Variants in NRG1 observed in about 807,000 individuals in gnomAD.
NRG1 encodes pro-neuregulin-1, membrane-bound isoform.
Under a neutral mutation model 63.8 loss-of-function variants are expected in NRG1, and 18 were observed. The ratio of observed to expected loss-of-function variants is 0.28; its 90% CI spans 0.19 to 0.42. The LOEUF (loss-of-function observed/expected upper bound fraction) is 0.42, where lower values mean the gene tolerates loss of function less well. Ranked by LOEUF, NRG1 falls within the 10% of genes least tolerant of loss-of-function variation. NRG1 has a pLI of 1.00. For synonymous variants in NRG1, 302 were observed against 301.3 expected (o/e 1.00, Z -0.02); for missense variants, 762 against 814.7 (o/e 0.94, Z 0.79).
At chr8:32,743,130 G>T in intron 7 of NRG1, 1 of 1,000,336 alleles carries the variant, frequency 1.0e-6, no homozygotes, top group African/African-American at 1.7e-5. Context: ...CCTGAAAAGG[G>T]TGTTGCTAAG....
In NRG1 at chr8:32,115,381, G is replaced by A. The variant is rs565408420; in HGVS notation, c.37+475950G>A. 2.6e-5 allele frequency among the ~76,000 whole-genome samples: 4 copies of A among 151,970 alleles called. No individual in the cohort carries two copies. The South Asian group carries it at 8.3e-4, about 32-fold the overall frequency. On this transcript the variant is annotated intron_variant, in intron 1 of 10. Transcript: ENST00000519301. The stretch of plus-strand genomic sequence containing the variant: ...ATCTTACTGATAACAGTCTTTTAAT[G>A]CATATGTTATATATATACATTACAC...
chr8:32,278,979 A>G lies in NRG1; in HGVS notation c.38-316849A>G, dbSNP rs966661509. ...TCATAAGAGACTGTGTTTGCCTTGG[A>G]TTTAACCAGGTCTGATGACTTTCAG... is the stretch of plus-strand genomic sequence containing the variant. On this transcript the variant is annotated intron_variant, in intron 1 of 10. Transcript: ENST00000519301. Among the ~76,000 whole-genome samples the G allele has an allele frequency of 9.2e-5, 14 of 152,168 alleles. 1 individual carries two copies. Among genetic ancestry groups the G allele is most frequent in the African/African-American group, 3.4e-4 (14 of 41,442 alleles).
chr8:31,826,512 C>T (rs1824580498), intron 1 of NRG1, among the ~76,000 whole-genome samples: 2 of 152,226 alleles, frequency 1.3e-5, no homozygotes, highest in South Asian at 4.1e-4. Context: ...GCCTCCCCAG[C>T]CATGTGGAAT....
chr8:31,822,773 A>C (rs916755598), intron 1 of NRG1, among the ~76,000 whole-genome samples: 3 of 151,162 alleles, frequency 2.0e-5, no homozygotes, highest in Admixed American at 1.3e-4. Flanking sequence ...TGTTAGATGA[A>C]GGTGTATTGT....
intron 5 of NRG1, among the ~76,000 whole-genome samples, chr8:32,713,592 G>C (rs900603803): frequency 6.8e-6 from 1 of 146,274 alleles, no homozygotes; most frequent in Non-Finnish European, 1.5e-5. Flanking sequence ...CTTTCTCTCT[G>C]ATAATTCATG....
chr8:32,725,399 G>A (rs1214409418), intron 5 of NRG1, among the ~76,000 whole-genome samples: 1 of 150,192 alleles, frequency 6.7e-6, no homozygotes, highest in Admixed American at 6.7e-5. Flanking sequence ...GTCATCCTAT[G>A]GAATTCTGTC....
chr8:32,101,501 G>A (rs1276225043), intron 1 of NRG1, among the ~76,000 whole-genome samples: 1 of 108,658 alleles, frequency 9.2e-6, no homozygotes. Context: ...TTTTTTTTTA[G>A]TAAAAGCATA....
chr8:32,636,323 A>G (rs866486198), intron 5 of NRG1, among the ~76,000 whole-genome samples: 19 of 152,320 alleles, frequency 1.2e-4, no homozygotes, highest in Middle Eastern at 3.4e-3. Flanking sequence ...TCTTGCTGTC[A>G]GGGACATGAT....
At chr8:32,118,704 G>T (rs962782159) in intron 1 of NRG1, among the ~76,000 whole-genome samples, 3 of 152,048 alleles carry the variant, frequency 2.0e-5, no homozygotes, top group African/African-American at 7.2e-5. Flanking sequence ...AAATAAGATT[G>T]ATTATTTCTC....
intron 1 of NRG1, among the ~76,000 whole-genome samples, chr8:31,656,632 G>A (rs1428918518): frequency 1.3e-5 from 2 of 152,186 alleles, no homozygotes; most frequent in African/African-American, 4.8e-5. Flanking sequence ...TTTGTATAAA[G>A]ATATGATTTT....
At chr8:32,127,841 G>A (rs1418960146) in intron 1 of NRG1, among the ~76,000 whole-genome samples, 2 of 151,588 alleles carry the variant, frequency 1.3e-5, no homozygotes, top group African/African-American at 4.8e-5. Flanking sequence ...TAAAAGGATC[G>A]CTTGAGCCCA....
rs1371169483 is a variant in NRG1 at position 32,718,297 on chromosome 8, G to A, written c.503-9652G>A. On this transcript the variant is annotated intron_variant, in intron 5 of 11. Coordinates refer to ENST00000356819, the Ensembl canonical transcript of NRG1. ...TGTAGTACAAGGTGTGAAATACAAAGGAACTCCAGCAGTTAGCTCTTCTCA... is the reference window on the plus strand; with the variant it reads ...TGTAGTACAAGGTGTGAAATACAAAAGAACTCCAGCAGTTAGCTCTTCTCA... 3.3e-5 allele frequency among the ~76,000 whole-genome samples: 5 copies of A among 152,112 alleles called. No individual in the cohort carries two copies. In the East Asian group the frequency reaches 9.6e-4, roughly 29 times the overall value.
intron 1 of NRG1, among the ~76,000 whole-genome samples, chr8:32,005,271 C>T: frequency 6.6e-6 from 1 of 151,844 alleles, no homozygotes. Flanking sequence ...GCTCCATATG[C>T]TACAGAGTCA....
At chr8:32,463,637 T>C (rs1391236063) in intron 1 of NRG1, among the ~76,000 whole-genome samples, 1 of 151,754 alleles carries the variant, frequency 6.6e-6, no homozygotes, top group Non-Finnish European at 1.5e-5. Context: ...GAGCCAGGAG[T>C]TCGAGACCAG....
At chr8:32,528,840 T>G (rs1831153842) in intron 1 of NRG1, among the ~76,000 whole-genome samples, 2 of 152,222 alleles carry the variant, frequency 1.3e-5, no homozygotes, top group Non-Finnish European at 2.9e-5. Flanking sequence ...ACTGAGATCT[T>G]TATTGTGGAG....
intron 1 of NRG1, among the ~76,000 whole-genome samples, chr8:31,810,718 C>T (rs529541768): frequency 1.8e-4 from 27 of 152,272 alleles, no homozygotes; most frequent in Non-Finnish European, 2.8e-4. Context: ...TAACATGTAA[C>T]GCTGCCTGGT....
At chr8:32,101,717 G>C (rs1479061782) in intron 1 of NRG1, among the ~76,000 whole-genome samples, 1 of 152,116 alleles carries the variant, frequency 6.6e-6, no homozygotes, top group Non-Finnish European at 1.5e-5. Flanking sequence ...GTTTAATGTG[G>C]AAGGTAAATT....
At chr8:32,073,905 T>C (rs10110523) in intron 1 of NRG1, among the ~76,000 whole-genome samples, 147,904 of 152,230 alleles carry the variant, frequency 0.97, 71,999 homozygotes, top group East Asian at 1. Context: ...TGCTGTTATG[T>C]AGCAATAAAT....
chr8:32,075,139 A>G (rs1027547118), intron 1 of NRG1, among the ~76,000 whole-genome samples: 1 of 152,238 alleles, frequency 6.6e-6, no homozygotes, highest in Non-Finnish European at 1.5e-5. Context: ...CTCCATGTAA[A>G]TGTTAGTCCT....
Sources: gnomAD v4.1 joint callset for allele counts (sites outside exome capture counted in the v4.1 genomes callset) on GRCh38, gnomAD v4.1.1 for gene constraint, MANE v1.5 for transcripts, NCBI Gene and HGNC (gene_info 2026-07-23, HGNC 2026-07-21) for gene names.